Variants in CEP250 observed in about 807,000 individuals in gnomAD.
CEP250 encodes the protein centrosome-associated protein CEP250.
A neutral mutation model predicts 315.7 loss-of-function variants in CEP250; 242 were observed. The ratio of observed to expected loss-of-function variants is 0.77; its 90% CI spans 0.69 to 0.85. The LOEUF (loss-of-function observed/expected upper bound fraction) is 0.85, where lower values mean the gene tolerates loss of function less well. Ranked by LOEUF, CEP250 falls within the 40% of genes least tolerant of loss-of-function variation. CEP250 has a pLI of 0.00. For synonymous variants in CEP250, 1,088 were observed against 1,175.0 expected, an observed-to-expected ratio of 0.93 and a Z score of 1.51; for missense variants, 2,515 against 2,886.4, an observed-to-expected ratio of 0.87 and a Z score of 2.95.
At position 35,515,326 on chromosome 20, in the gene CEP250, A is replaced by G. The variant is rs2064425152; in HGVS notation, c.*3700A>G. 1 of 152,264 alleles carries G rather than the reference A, an allele frequency of 6.6e-6. No individual in the cohort carries two copies. Among genetic ancestry groups the G allele is most frequent in the South Asian group, 2.1e-4 (1 of 4,832 alleles). 9.4% of individuals were successfully genotyped at this position (152,264 alleles called of 1,614,324 possible). A position where few individuals can be genotyped will look rare whatever the true frequency, so the allele number is the denominator to read the frequency against. Reference sequence around the variant, plus strand: ...GCCCAGAGCCCAGGACCGAGCATCCACCGGCCTCTGGAGATGGCGTGGTCT... The same window carrying G: ...GCCCAGAGCCCAGGACCGAGCATCCGCCGGCCTCTGGAGATGGCGTGGTCT... On this transcript the variant is annotated 3_prime_UTR_variant, in exon 35 of 35. Coordinates refer to ENST00000397527, the MANE Select transcript of CEP250 (RefSeq NM_007186.6).
intron 28 of CEP250, 103 bp from the exon 29 acceptor site, chr20:35,501,742 C>T: frequency 2.2e-6 from 3 of 1,337,156 alleles, no homozygotes; most frequent in South Asian, 2.9e-5. Flanking sequence ...CCTTCCTTCC[C>T]TTTGAATCTG....
In CEP250 at chr20:35,466,041, G is replaced by A; in HGVS notation, c.329G>A (p.Cys110Tyr). 3 of 1,614,204 alleles carry A rather than the reference G, an allele frequency of 1.9e-6. No homozygotes were observed. Among genetic ancestry groups the A allele is most frequent in the East Asian group, 2.2e-5 (1 of 44,890 alleles). ...LVRLEEEQQR[C>Y]ESLAEVNTQL... ...ACTTTTACCCCTCCCCAGTGCAGGT[G>A]TGAGAGTCTAGCAGAGGTGAACACC... The change falls in exon 7 of 35, where the codon TGT becomes TAT. Residue 110 changes from cysteine (C) to tyrosine (Y), a missense_variant and splice_region_variant. Transcript: ENST00000397527.
At chr20:35,469,842 C>T (rs2062980430) in intron 9 of CEP250, 48 bp from the exon 10 acceptor site, 1 of 1,313,142 alleles carries the variant, frequency 7.6e-7, no homozygotes. Flanking sequence ...GTAGCTCTGT[C>T]CACATCCATG....
chr20:35,516,092 G>A lies in CEP250; in HGVS notation c.*4466G>A, dbSNP rs2064433274. ...TAGGGCCTGAACCTTGGCTCAGGTG[G>A]ATGGGCTTGGAGGTAAAATAATTGA... is the stretch of plus-strand genomic sequence containing the variant. On this transcript the variant is annotated 3_prime_UTR_variant, in exon 35 of 35. Transcript: ENST00000397527. 1 of 152,316 alleles carries A rather than the reference G, an allele frequency of 6.6e-6. No individual in the cohort carries two copies. The highest frequency in any genetic ancestry group is 6.5e-5 in the Admixed American group (1 of 15,292). The allele number at this position is 152,316 out of a possible 1,614,324, so 9.4% of individuals were successfully genotyped here.
At chr20:35,472,651 A>T in intron 11 of CEP250, 22 bp from the exon 12 acceptor site, 2 of 1,613,682 alleles carry the variant, frequency 1.2e-6, no homozygotes, top group Non-Finnish European at 1.7e-6. Flanking sequence ...TAGGGTGGTG[A>T]CCTTGCTGTA....
At position 35,491,176 on chromosome 20, in the gene CEP250, G is replaced by A. The variant is rs985085588; in HGVS notation, c.2755-36G>A. ...CCTCGTTGGTGAGCATGGTAATCCTGAGCCCACAAGCTGTTACCCCCCTAC... is the reference window on the plus strand; with the variant it reads ...CCTCGTTGGTGAGCATGGTAATCCTAAGCCCACAAGCTGTTACCCCCCTAC... On this transcript the variant is annotated intron_variant, in intron 21 of 34. Transcript: ENST00000397527. 1.9e-6 allele frequency: 3 copies of A among 1,604,390 alleles called. No homozygotes were observed. The African/African-American group carries it at 4.0e-5, about 21-fold the overall frequency.
intron 12 of CEP250, 126 bp downstream of exon 12, chr20:35,472,957 A>G (rs768892832): frequency 6.7e-6 from 6 of 901,538 alleles, no homozygotes; most frequent in Non-Finnish European, 8.4e-6. Flanking sequence ...TGTTCTGTCA[A>G]TATCCCAGAG....
intron 15 of CEP250, 101 bp from the exon 16 acceptor site, chr20:35,476,348 C>G (rs888772482): frequency 4.0e-5 from 45 of 1,115,470 alleles, no homozygotes; most frequent in Non-Finnish European, 5.3e-5. Flanking sequence ...GGAGTATTAA[C>G]TGATCTCTGT....
chr20:35,474,860 T>C (rs1355155395), intron 14 of CEP250: 1 of 471,032 alleles, frequency 2.1e-6, no homozygotes, highest in East Asian at 7.0e-5. Context: ...ATGGTAGGTC[T>C]TTAATAACTG....
chr20:35,505,423 C>A (rs775426239), intron 30 of CEP250, among the ~76,000 whole-genome samples: 1 of 152,046 alleles, frequency 6.6e-6, no homozygotes, highest in African/African-American at 2.4e-5. Context: ...GAAGCCGAGG[C>A]GGGCAGATCA....
chr20:35,484,726 G>T (rs1016432024), intron 20 of CEP250, among the ~76,000 whole-genome samples: 5 of 152,014 alleles, frequency 3.3e-5, no homozygotes. Context: ...TGGGACCACA[G>T]GCACAGTCCA....
chr20:35,491,815 T>C (rs759442995), intron 22 of CEP250, among the ~76,000 whole-genome samples: 5 of 141,734 alleles, frequency 3.5e-5, no homozygotes, highest in Non-Finnish European at 6.0e-5. Flanking sequence ...AGCAGGAGAA[T>C]AGCTTGAGCC....
At chr20:35,464,247 G>A (rs1312984674) in intron 5 of CEP250, among the ~76,000 whole-genome samples, 1 of 152,138 alleles carries the variant, frequency 6.6e-6, no homozygotes, top group Non-Finnish European at 1.5e-5. Context: ...GGTTACAGCT[G>A]GATAAACCCA....
intron 21 of CEP250, 41 bp downstream of exon 21, chr20:35,490,845 G>T (rs781394918): frequency 1.2e-6 from 2 of 1,602,892 alleles, no homozygotes; most frequent in South Asian, 2.2e-5. Flanking sequence ...TCCAGTCAGC[G>T]ATCTCCTTAC....
chr20:35,504,749 A>G lies in CEP250; in HGVS notation c.6380A>G (p.His2127Arg). 1 of 1,613,612 alleles carries G rather than the reference A, an allele frequency of 6.2e-7. No homozygotes were observed. Among genetic ancestry groups the G allele is most frequent in the Non-Finnish European group, 8.5e-7 (1 of 1,179,916 alleles). ...QQRNNLEALP[H>R]SHKTSPMEEQ... ...AGGAACAACCTGGAAGCCTTACCCC[A>G]CAGCCACAAAACCTCCCCAATGGAG... The change falls in exon 30 of 35, where the codon CAC (histidine) becomes CGC (arginine). Residue 2127 changes from histidine to arginine, a missense_variant. By Grantham distance (29) the His-to-Arg change is conservative. Transcript: ENST00000397527.
chr20:35,499,584 G>A (rs571619174), intron 27 of CEP250, among the ~76,000 whole-genome samples: 11 of 152,338 alleles, frequency 7.2e-5, no homozygotes, highest in South Asian at 4.1e-4. Flanking sequence ...GTGACATGGT[G>A]GAGGAACCAA....
intron 16 of CEP250, 152 bp downstream of exon 16, chr20:35,476,747 T>A: frequency 1.6e-6 from 1 of 620,868 alleles, no homozygotes; most frequent in Non-Finnish European, 2.7e-6. Context: ...TTAGCCATTA[T>A]AAATATTCCC....
Position 35,515,108 on chromosome 20 carries a change from G to T in CEP250, c.*3482G>T, listed in dbSNP as rs1451598943. 6.6e-6 allele frequency: 1 copy of T among 152,366 alleles called. No homozygotes were observed. The highest frequency in any genetic ancestry group is 1.5e-5 in the Non-Finnish European group (1 of 68,260). The allele number at this position is 152,366 out of a possible 1,614,324, so 9.4% of individuals were successfully genotyped here. A position where few individuals can be genotyped will look rare whatever the true frequency, so the allele number is the denominator to read the frequency against. On this transcript the variant is annotated 3_prime_UTR_variant, in exon 35 of 35. Transcript: ENST00000397527. ...CAGGACTGGCAGAGTCGGAGCTCGGGGTCTAGCTGTGACCTGGGGATCGGT... is the reference window on the plus strand; with the variant it reads ...CAGGACTGGCAGAGTCGGAGCTCGGTGTCTAGCTGTGACCTGGGGATCGGT...
rs1350627648 is a variant in CEP250 at position 35,504,119 on chromosome 20, A to G, written c.5750A>G (p.His1917Arg). 4 of 1,613,662 alleles carry G rather than the reference A, an allele frequency of 2.5e-6. No individual in the cohort carries two copies. Among genetic ancestry groups the G allele is most frequent in the East Asian group, 2.2e-5 (1 of 44,878 alleles). The change falls in exon 30 of 35, where the codon CAT (histidine) becomes CGT (arginine). Residue 1917 changes from histidine to arginine, a missense_variant. Coordinates refer to ENST00000397527, the MANE Select transcript of CEP250 (RefSeq NM_007186.6). ...CAGTGTGCTGAGCAGGCACAGGAGC[A>G]TGAGGTGGAGACCAGGGCCCTGCAG... ...QQQCAEQAQE[H>R]EVETRALQDS...
Sources: allele counts gnomAD v4.1 joint callset (sites outside exome capture counted in the v4.1 genomes callset), GRCh38; gene constraint gnomAD v4.1.1; transcripts MANE v1.5; gene names NCBI Gene and HGNC (gene_info 2026-07-23, HGNC 2026-07-21).